The following CSMD1 variants were observed in gnomAD, a reference collection of about 807,000 sequenced individuals.
The protein encoded by CSMD1 is CUB and Sushi multiple domains 1.
A neutral mutation model predicts 417.5 loss-of-function variants in CSMD1; 213 were observed. The ratio of observed to expected loss-of-function variants is 0.51; its 90% CI spans 0.46 to 0.57. The LOEUF (loss-of-function observed/expected upper bound fraction) is 0.57, where lower values mean the gene tolerates loss of function less well. CSMD1 is among the 20% of genes least tolerant of loss of function. The probability of loss-of-function intolerance (pLI) is 0.00; values close to 1 mark genes in which losing one functional copy is unlikely to be tolerated. For synonymous variants in CSMD1, 2,862 were observed against 1,736.8 expected (o/e 1.65, Z -16.11); for missense variants, 6,923 against 4,529.7 (o/e 1.53, Z -15.17).
chr8:3,698,475 C>T (rs906594136), intron 7 of CSMD1, among the ~76,000 whole-genome samples: 5 of 152,220 alleles, frequency 3.3e-5, no homozygotes, highest in African/African-American at 1.2e-4. Context: ...CCGTCAAAAT[C>T]TGCTTTAAAG....
chr8:3,295,024 C>T (rs1478171823), intron 25 of CSMD1, among the ~76,000 whole-genome samples: 2 of 152,138 alleles, frequency 1.3e-5, no homozygotes, highest in African/African-American at 2.4e-5. Flanking sequence ...TATTCCTAAA[C>T]AATATATTGT....
intron 4 of CSMD1, among the ~76,000 whole-genome samples, chr8:4,003,597 C>G (rs1434747004): frequency 1.3e-5 from 2 of 152,034 alleles, no homozygotes; most frequent in African/African-American, 4.8e-5. Context: ...ATTAAAACAA[C>G]ACTGAAATGC....
intron 1 of CSMD1, among the ~76,000 whole-genome samples, chr8:4,734,471 T>C (rs2116972938): frequency 6.6e-6 from 1 of 152,302 alleles, no homozygotes; most frequent in Non-Finnish European, 1.5e-5. Flanking sequence ...TAACTTTTCT[T>C]GTGTGGCCAG....
At chr8:3,533,111 G>C (rs1013315559) in intron 10 of CSMD1, among the ~76,000 whole-genome samples, 1 of 152,066 alleles carries the variant, frequency 6.6e-6, no homozygotes, top group Admixed American at 6.6e-5. Context: ...TTGGCATGAA[G>C]GAAAAGCATG....
chr8:3,751,555 C>T (rs1024278271), intron 6 of CSMD1, among the ~76,000 whole-genome samples: 16 of 149,806 alleles, frequency 1.1e-4, no homozygotes, highest in Non-Finnish European at 1.5e-4. Context: ...GTGTGTATAA[C>T]GTACGTACAG....
chr8:4,712,772 G>A (rs1037372805), intron 1 of CSMD1, among the ~76,000 whole-genome samples: 8 of 151,668 alleles, frequency 5.3e-5, no homozygotes, highest in Non-Finnish European at 1.0e-4. Context: ...CTTTCTTTTG[G>A]GACCACTGCC....
chr8:2,968,349 C>A (rs1362180525), intron 57 of CSMD1, among the ~76,000 whole-genome samples: 3 of 152,136 alleles, frequency 2.0e-5, no homozygotes, highest in Non-Finnish European at 4.4e-5. Flanking sequence ...ACATTGTATT[C>A]TAATTACATT....
At chr8:4,767,246 G>C (rs1454998371) in intron 1 of CSMD1, among the ~76,000 whole-genome samples, 22 of 152,146 alleles carry the variant, frequency 1.4e-4, no homozygotes, top group Non-Finnish European at 5.9e-5. Flanking sequence ...ATGGATGCAA[G>C]GTGAAAAGAA....
chr8:4,200,930 T>C (rs17069384), intron 3 of CSMD1, among the ~76,000 whole-genome samples: 4,043 of 152,296 alleles, frequency 0.027, 211 homozygotes, highest in African/African-American at 0.093. Flanking sequence ...TGCATTCATG[T>C]CTTTTCTAAT....
intron 36 of CSMD1, among the ~76,000 whole-genome samples, chr8:3,183,604 G>A (rs546998231): frequency 6.7e-6 from 1 of 148,786 alleles, no homozygotes; most frequent in South Asian, 2.2e-4. Context: ...ATATCGAGTA[G>A]GTCTCTAATG....
At chr8:4,510,390 T>TAAAAAAAAAAAAAAAA (rs34791623) in intron 2 of CSMD1, among the ~76,000 whole-genome samples, 16 of 54,642 alleles carry the variant, frequency 2.9e-4, no homozygotes, top group South Asian at 9.1e-4. Flanking sequence ...GCATAATGCC[T>TAAAAAAAAAAAAAAAA]AAAAAAAAAA....
In CSMD1 at chr8:3,387,624, G is replaced by A; in HGVS notation, c.2652C>T (p.Arg884=). Residue 884 remains arginine (R), a synonymous_variant, in exon 18 of 70, where the codon CGC becomes CGT. Transcript: ENST00000635120. The stretch of plus-strand genomic sequence containing the variant: ...ACCTGATGCCAAAGTCTCCACCGTG[G>A]CGATGGCCGTTCACAGGGATGCCCG... ...LDPGIPVNGH[R]HGGDFGIRST... is the part of the protein sequence containing the mutation. 14 of 1,600,652 alleles carry A rather than the reference G, an allele frequency of 8.7e-6. No homozygotes were observed. Among genetic ancestry groups the A allele is most frequent in the South Asian group, 1.1e-5 (1 of 88,320 alleles).
intron 3 of CSMD1, among the ~76,000 whole-genome samples, chr8:4,036,230 A>T (rs570020190): frequency 2.0e-5 from 3 of 152,312 alleles, no homozygotes; most frequent in African/African-American, 4.8e-5. Flanking sequence ...CTCAGAATGC[A>T]TCCCAGTTGT....
At chr8:3,336,149 C>G (rs1465281461) in intron 23 of CSMD1, among the ~76,000 whole-genome samples, 1 of 138,338 alleles carries the variant, frequency 7.2e-6, no homozygotes, top group East Asian at 2.1e-4. Context: ...TTCCCTCATA[C>G]CTAAGGCAGT....
intron 2 of CSMD1, among the ~76,000 whole-genome samples, chr8:4,505,161 C>G (rs1216499753): frequency 6.6e-6 from 1 of 152,154 alleles, no homozygotes; most frequent in African/African-American, 2.4e-5. Context: ...TGATAAAAAC[C>G]TGGTGGCTTT....
chr8:4,843,565 G>A (rs1484382526), intron 1 of CSMD1, among the ~76,000 whole-genome samples: 1 of 152,096 alleles, frequency 6.6e-6, no homozygotes, highest in Non-Finnish European at 1.5e-5. Context: ...CCAATCTAAA[G>A]GTACTGTCCA....
At chr8:3,263,395 G>T (rs935358524) in intron 26 of CSMD1, among the ~76,000 whole-genome samples, 2 of 152,142 alleles carry the variant, frequency 1.3e-5, no homozygotes, top group African/African-American at 4.8e-5. Context: ...CACCGTGCCA[G>T]GCCTTGCTTC....
intron 5 of CSMD1, among the ~76,000 whole-genome samples, chr8:3,862,398 G>T (rs1158345554): frequency 8.5e-6 from 1 of 117,624 alleles, no homozygotes; most frequent in Non-Finnish European, 1.6e-5. Context: ...TTCTCTTCCT[G>T]AATTTTTCTC....
intron 3 of CSMD1, among the ~76,000 whole-genome samples, chr8:4,224,261 G>C (rs755008759): frequency 1.3e-5 from 2 of 152,102 alleles, no homozygotes; most frequent in Non-Finnish European, 2.9e-5. Context: ...GAAAATGCTT[G>C]CACACGTTTT....
Sources: gnomAD v4.1 joint callset for allele counts (sites outside exome capture counted in the v4.1 genomes callset) on GRCh38, gnomAD v4.1.1 for gene constraint, MANE v1.5 for transcripts, NCBI Gene and HGNC (gene_info 2026-07-23, HGNC 2026-07-21) for gene names.